The following LRP1B variants were observed in gnomAD, a reference collection of about 807,000 sequenced individuals.
LRP1B encodes LDL receptor related protein 1B.
LRP1B carries 217 observed loss-of-function variants against 556.6 expected under a neutral mutation model. The ratio of observed to expected loss-of-function variants is 0.39; its 90% CI spans 0.35 to 0.44. The LOEUF (loss-of-function observed/expected upper bound fraction) is 0.44, where lower values mean the gene tolerates loss of function less well. Among genes scored for constraint, LRP1B ranks in the 20% least tolerant of loss-of-function variants. The pLI, the probability that LRP1B is intolerant of heterozygous loss-of-function variation, is 1.00. For synonymous variants in LRP1B, 2,047 were observed against 1,865.8 expected (o/e 1.10, Z -2.50); for missense variants, 5,053 against 5,620.8 (o/e 0.90, Z 3.23).
intron 41 of LRP1B, among the ~76,000 whole-genome samples, chr2:140,612,129 A>C (rs2105227359): frequency 6.6e-6 from 1 of 152,262 alleles, no homozygotes; most frequent in East Asian, 1.9e-4. Flanking sequence ...GAGACATACA[A>C]AAAGAAGAAT....
intron 7 of LRP1B, among the ~76,000 whole-genome samples, chr2:141,143,038 C>T (rs1488368584): frequency 6.7e-6 from 1 of 148,608 alleles, no homozygotes; most frequent in Non-Finnish European, 1.5e-5. Flanking sequence ...AAACGATTCT[C>T]CTGCCTCAGC....
intron 35 of LRP1B, among the ~76,000 whole-genome samples, chr2:140,765,518 T>G (rs1689072302): frequency 6.6e-6 from 1 of 152,164 alleles, no homozygotes; most frequent in Non-Finnish European, 1.5e-5. Context: ...TCAGGAGGAA[T>G]ATCACCCAGC....
At chr2:141,457,785 T>C (rs541446255) in intron 3 of LRP1B, among the ~76,000 whole-genome samples, 7 of 151,870 alleles carry the variant, frequency 4.6e-5, no homozygotes, top group African/African-American at 7.3e-5. Flanking sequence ...CATAGAAAGA[T>C]AGTAAAATAA....
At chr2:140,311,643 G>A (rs1282463991) in intron 83 of LRP1B, among the ~76,000 whole-genome samples, 1 of 151,722 alleles carries the variant, frequency 6.6e-6, no homozygotes, top group Non-Finnish European at 1.5e-5. Flanking sequence ...TAACAAAACT[G>A]CACTTGTATT....
intron 20 of LRP1B, among the ~76,000 whole-genome samples, chr2:140,927,250 A>T (rs1188342235): frequency 1.3e-5 from 2 of 152,194 alleles, no homozygotes; most frequent in East Asian, 3.9e-4. Flanking sequence ...GATTGCAATG[A>T]GCCAAGATGG....
intron 6 of LRP1B, among the ~76,000 whole-genome samples, chr2:141,206,060 A>C (rs546569534): frequency 2.0e-5 from 3 of 152,250 alleles, no homozygotes; most frequent in East Asian, 3.9e-4. Flanking sequence ...GATGCCAAGG[A>C]AAGATATGAA....
At chr2:140,921,685 A>G (rs1000523480) in intron 21 of LRP1B, among the ~76,000 whole-genome samples, 7 of 151,992 alleles carry the variant, frequency 4.6e-5, no homozygotes, top group African/African-American at 1.7e-4. Context: ...ATTGTGAAAA[A>G]TATTGTTGGA....
chr2:141,812,032 G>A (rs185915960), intron 1 of LRP1B, among the ~76,000 whole-genome samples: 181 of 152,204 alleles, frequency 1.2e-3, no homozygotes, highest in Non-Finnish European at 1.2e-3. Context: ...AATAATTATT[G>A]CAGTGCATTT....
At chr2:140,393,232 G>A (rs975934194) in intron 66 of LRP1B, among the ~76,000 whole-genome samples, 2 of 151,478 alleles carry the variant, frequency 1.3e-5, no homozygotes, top group African/African-American at 4.9e-5. Flanking sequence ...CAATGAATAT[G>A]TGAAATAAAG....
intron 21 of LRP1B, among the ~76,000 whole-genome samples, chr2:140,914,605 T>C (rs1694519892): frequency 6.6e-6 from 1 of 151,916 alleles, no homozygotes; most frequent in South Asian, 2.1e-4. Flanking sequence ...TGCAGAAAGA[T>C]GAGAAGGAGC....
Position 141,840,257 on chromosome 2 carries a change from CTTTTT to C in LRP1B, c.83-29861_83-29857del, listed in dbSNP as rs565362139. The stretch of plus-strand genomic sequence containing the variant: ...AGGTCATCGTATTAGAACAAATTTC[CTTTTT>C]TTTTTTTTTTTTTTTTTTTGAGACG... On this transcript the variant is annotated intron_variant, in intron 1 of 90. Transcript: ENST00000389484. Among the ~76,000 whole-genome samples the C allele has an allele frequency of 3.1e-3, 258 of 84,226 alleles. 1 individual carries two copies. The highest frequency in any genetic ancestry group is 0.012 in the African/African-American group (250 of 20,904). 55.3% of individuals were successfully genotyped at this position (84,226 alleles called of 152,430 possible). A position where few individuals can be genotyped will look rare whatever the true frequency, so the allele number is the denominator to read the frequency against.
chr2:141,961,626 C>G (rs1701406690), intron 1 of LRP1B, among the ~76,000 whole-genome samples: 1 of 151,602 alleles, frequency 6.6e-6, no homozygotes, highest in Non-Finnish European at 1.5e-5. Flanking sequence ...TTCCATTAAC[C>G]TAAGAATGAT....
At chr2:140,287,751 G>A (rs1479058154) in intron 84 of LRP1B, among the ~76,000 whole-genome samples, 1 of 151,346 alleles carries the variant, frequency 6.6e-6, no homozygotes, top group Non-Finnish European at 1.5e-5. Flanking sequence ...TACTTAAGGT[G>A]TATCTGATTC....
chr2:141,610,895 A>G (rs1688085613), intron 2 of LRP1B, among the ~76,000 whole-genome samples: 1 of 152,210 alleles, frequency 6.6e-6, no homozygotes, highest in Non-Finnish European at 1.5e-5. Context: ...TTTTAAAGAT[A>G]TATTGTACTG....
intron 1 of LRP1B, among the ~76,000 whole-genome samples, chr2:141,868,504 C>A (rs1226465116): frequency 6.6e-6 from 1 of 151,976 alleles, no homozygotes; most frequent in East Asian, 1.9e-4. Context: ...TTGCCCATTG[C>A]GGTAACAGAC....
At chr2:140,399,764 G>A (rs1170292309) in intron 66 of LRP1B, among the ~76,000 whole-genome samples, 1 of 152,140 alleles carries the variant, frequency 6.6e-6, no homozygotes, top group African/African-American at 2.4e-5. Flanking sequence ...TTATGGAAAA[G>A]CTAACAAAAG....
chr2:140,779,770 G>C (rs1212014338), intron 32 of LRP1B, among the ~76,000 whole-genome samples: 2 of 148,150 alleles, frequency 1.3e-5, no homozygotes, highest in Non-Finnish European at 3.0e-5. Flanking sequence ...GTGTGTGTGT[G>C]TGTGTGTGTG....
intron 25 of LRP1B, among the ~76,000 whole-genome samples, chr2:140,873,981 T>C (rs1693223121): frequency 6.6e-6 from 1 of 151,862 alleles, no homozygotes; most frequent in African/African-American, 2.4e-5. Flanking sequence ...AATTTTTATA[T>C]GAGAAAGAGT....
At chr2:140,321,236 GTTTT>G (rs11351284) in intron 82 of LRP1B, among the ~76,000 whole-genome samples, 5 of 151,002 alleles carry the variant, frequency 3.3e-5, no homozygotes, top group East Asian at 3.9e-4. Context: ...ACTGTTTTGT[GTTTT>G]TTTTATTTTT....
Sources: allele counts gnomAD v4.1 joint callset (sites outside exome capture counted in the v4.1 genomes callset), GRCh38; gene constraint gnomAD v4.1.1; transcripts MANE v1.5; gene names NCBI Gene and HGNC (gene_info 2026-07-23, HGNC 2026-07-21).